Variants in RBFOX1 observed in about 807,000 individuals in gnomAD.
RBFOX1 encodes RNA binding fox-1 homolog 1.
In RBFOX1, 8 loss-of-function variants were observed where a neutral mutation model predicts 57.7. That is an observed-to-expected ratio of 0.14 (90% CI 0.08 to 0.25). RBFOX1 has a LOEUF of 0.25. Among genes scored for constraint, RBFOX1 ranks in the 10% least tolerant of loss-of-function variants. The probability of loss-of-function intolerance (pLI) is 1.00; values close to 1 mark genes in which losing one functional copy is unlikely to be tolerated. For missense variants in RBFOX1, 611 were observed against 548.5 expected, an observed-to-expected ratio of 1.11 and a Z score of -1.14; for synonymous variants, 326 against 222.4, an observed-to-expected ratio of 1.47 and a Z score of -4.15.
At chr16:6,618,730 A>G (rs1317210546) in intron 2 of RBFOX1, among the ~76,000 whole-genome samples, 1 of 152,192 alleles carries the variant, frequency 6.6e-6, no homozygotes, top group African/African-American at 2.4e-5. Flanking sequence ...CCCTCACCAC[A>G]GTGTCATAAA....
chr16:5,840,593 AG>A (rs1484354448), intron 3 of RBFOX1, among the ~76,000 whole-genome samples: 1 of 152,212 alleles, frequency 6.6e-6, no homozygotes, highest in African/African-American at 2.4e-5. Context: ...AAATGGGGGA[AG>A]GAGTTGCTGG....
chr16:6,389,262 A>G (rs897299788), intron 2 of RBFOX1, among the ~76,000 whole-genome samples: 15 of 152,198 alleles, frequency 9.9e-5, no homozygotes, highest in African/African-American at 3.6e-4. Context: ...AGGAGAGAAT[A>G]ATGAAACGAC....
At chr16:5,343,298 G>GTTTTTTTTTTTTTTTTTT (rs33934959) in intron 1 of RBFOX1, among the ~76,000 whole-genome samples, 4 of 109,958 alleles carry the variant, frequency 3.6e-5, no homozygotes, top group African/African-American at 6.7e-5. Flanking sequence ...CTTCTTTGAA[G>GTTTTTTTTTTTTTTTTTT]TTTTTTTTTT....
intron 3 of RBFOX1, among the ~76,000 whole-genome samples, chr16:6,900,760 C>T (rs996726774): frequency 7.9e-5 from 12 of 152,130 alleles, no homozygotes; most frequent in Non-Finnish European, 7.3e-5. Context: ...CTTCTGTCTA[C>T]GTGTAAGACC....
chr16:5,414,988 G>A (rs1019291568), intron 1 of RBFOX1, among the ~76,000 whole-genome samples: 2 of 152,118 alleles, frequency 1.3e-5, no homozygotes, highest in African/African-American at 4.8e-5. Flanking sequence ...GTTTTTGTGT[G>A]TTTTCCGTGT....
chr16:7,588,905 G>A (rs181581876), intron 7 of RBFOX1, among the ~76,000 whole-genome samples: 28 of 152,224 alleles, frequency 1.8e-4, no homozygotes, highest in Middle Eastern at 6.8e-3. Flanking sequence ...GAGTGATGTT[G>A]TAATCTGTCA....
chr16:5,676,563 G>C (rs185794161), intron 3 of RBFOX1, among the ~76,000 whole-genome samples: 135 of 152,220 alleles, frequency 8.9e-4, no homozygotes, highest in Admixed American at 1.8e-3. Flanking sequence ...ATTGTGCCTG[G>C]AAAGTGCTCA....
At chr16:6,921,799 A>G (rs1041568642) in intron 3 of RBFOX1, among the ~76,000 whole-genome samples, 5 of 151,648 alleles carry the variant, frequency 3.3e-5, no homozygotes, top group Non-Finnish European at 5.9e-5. Context: ...CACACACATG[A>G]ACATAATCAC....
chr16:5,501,649 T>A (rs138270399), intron 2 of RBFOX1, among the ~76,000 whole-genome samples: 13 of 152,226 alleles, frequency 8.5e-5, no homozygotes, highest in Non-Finnish European at 1.5e-5. Context: ...AATGAGATGA[T>A]GCCGTCAAAT....
At chr16:7,096,636 T>G (rs1430332716) in intron 4 of RBFOX1, among the ~76,000 whole-genome samples, 1 of 151,992 alleles carries the variant, frequency 6.6e-6, no homozygotes, top group African/African-American at 2.4e-5. Flanking sequence ...TTAGCCCCAG[T>G]AAAACGGGGA....
At chr16:5,582,095 C>A (rs1397114724) in intron 2 of RBFOX1, among the ~76,000 whole-genome samples, 1 of 152,212 alleles carries the variant, frequency 6.6e-6, no homozygotes, top group Non-Finnish European at 1.5e-5. Flanking sequence ...AAAGAGCTGA[C>A]AGCTCCCTCT....
intron 3 of RBFOX1, among the ~76,000 whole-genome samples, chr16:5,856,230 T>TATATATATAC (rs1555547654): frequency 1.5e-5 from 1 of 65,094 alleles, no homozygotes; most frequent in African/African-American, 6.3e-5. Flanking sequence ...TATATATATG[T>TATATATATAC]ATATATATGT....
intron 3 of RBFOX1, among the ~76,000 whole-genome samples, chr16:6,898,156 A>C (rs184152785): frequency 6.6e-6 from 1 of 152,164 alleles, no homozygotes; most frequent in Non-Finnish European, 1.5e-5. Flanking sequence ...CATGCATCAT[A>C]ATTGAGGTCG....
intron 4 of RBFOX1, among the ~76,000 whole-genome samples, chr16:7,394,297 A>AG (rs1458678904): frequency 1.3e-5 from 2 of 150,684 alleles, no homozygotes; most frequent in East Asian, 2.0e-4. Flanking sequence ...TCATAGAATG[A>AG]GAAAAAAATC....
At chr16:7,408,853 G>A (rs927285409) in intron 4 of RBFOX1, among the ~76,000 whole-genome samples, 1 of 150,626 alleles carries the variant, frequency 6.6e-6, no homozygotes, top group Non-Finnish European at 1.5e-5. Context: ...TGGGGGCAGG[G>A]GGGTGGTTAA....
chr16:7,486,069 G>A (rs72773029), intron 4 of RBFOX1, among the ~76,000 whole-genome samples: 14,909 of 148,820 alleles, frequency 0.1, 787 homozygotes, highest in Non-Finnish European at 0.12. Flanking sequence ...ACCACTTGGT[G>A]TGTTTGCAAC....
At chr16:7,366,475 G>C (rs2097450767) in intron 4 of RBFOX1, among the ~76,000 whole-genome samples, 1 of 152,136 alleles carries the variant, frequency 6.6e-6, no homozygotes, top group Admixed American at 6.5e-5. Context: ...CTTGTGAATT[G>C]ATAAACCCTC....
intron 3 of RBFOX1, among the ~76,000 whole-genome samples, chr16:5,708,659 C>T (rs907008650): frequency 6.6e-6 from 1 of 152,110 alleles, no homozygotes; most frequent in Non-Finnish European, 1.5e-5. Context: ...AAACAGATAC[C>T]TGTTTACTGC....
At chr16:6,481,995 T>TA in intron 2 of RBFOX1, among the ~76,000 whole-genome samples, 1 of 152,290 alleles carries the variant, frequency 6.6e-6, no homozygotes, top group South Asian at 2.1e-4. Context: ...ATTGGCATGT[T>TA]AAAAAAAGAC....
Sources: allele counts gnomAD v4.1 joint callset (sites outside exome capture counted in the v4.1 genomes callset), GRCh38; gene constraint gnomAD v4.1.1; transcripts MANE v1.5; gene names NCBI Gene and HGNC (gene_info 2026-07-23, HGNC 2026-07-21).